The following KATNAL2 variants were observed in gnomAD, a reference collection of about 807,000 sequenced individuals.
The protein encoded by KATNAL2 is katanin p60 ATPase-containing subunit A-like 2.
KATNAL2 carries 52 observed loss-of-function variants against 76.3 expected under a neutral mutation model. That is an observed-to-expected ratio of 0.68 (90% CI 0.55 to 0.86). The LOEUF (loss-of-function observed/expected upper bound fraction) is 0.86, where lower values mean the gene tolerates loss of function less well. Among genes scored for constraint, KATNAL2 ranks in the 40% least tolerant of loss-of-function variants. The probability of loss-of-function intolerance (pLI) is 0.00; values close to 1 mark genes in which losing one functional copy is unlikely to be tolerated. For missense variants in KATNAL2, 660 were observed against 668.9 expected, an observed-to-expected ratio of 0.99 and a Z score of 0.15; for synonymous variants, 243 against 244.2, an observed-to-expected ratio of 1.00 and a Z score of 0.05.
In KATNAL2 at chr18:46,965,581, G is replaced by GCCC. The variant is rs2510018; in HGVS notation, c.51+18669_51+18671dup. On this transcript the variant is annotated intron_variant, in intron 3 of 17. Coordinates refer to ENST00000683218, the MANE Select transcript of KATNAL2 (RefSeq NM_001387690.1). Reference sequence around the variant, plus strand: ...CCAGCAGAATCCCTCTAGCATCCCCGCCCCCCCCCCCCCGCCCCCAACGGT... The same window carrying GCCC: ...CCAGCAGAATCCCTCTAGCATCCCCGCCCCCCCCCCCCCCCCGCCCCCAACGGT... Among the ~76,000 whole-genome samples the GCCC allele has an allele frequency of 3.1e-3, 227 of 73,774 alleles. 1 individual carries two copies. The highest frequency in any genetic ancestry group is 9.2e-3 in the South Asian group (23 of 2,492). 48.4% of individuals were successfully genotyped at this position (73,774 alleles called of 152,430 possible).
chr18:46,947,970 A>T (rs1470016774), intron 3 of KATNAL2, among the ~76,000 whole-genome samples: 3 of 152,166 alleles, frequency 2.0e-5, no homozygotes, highest in Non-Finnish European at 2.9e-5. Flanking sequence ...AATAGAGCAG[A>T]TTCTTGGGCC....
In KATNAL2 at chr18:47,058,258, A is replaced by G; in HGVS notation, c.356A>G (p.Asn119Ser). Residue 119 changes from asparagine to serine, a missense_variant, in exon 7 of 18, where the codon AAT (asparagine) becomes AGT (serine). By Grantham distance (46) the Asn-to-Ser change is conservative. Coordinates refer to ENST00000683218, the MANE Select transcript of KATNAL2 (RefSeq NM_001387690.1). ...TRRMMNDSCQ[N>S]LPKINQQRPR... is the part of the protein sequence containing the mutation. Reference sequence around the variant, plus strand: ...AGGATGATGAACGACAGTTGTCAAAATCTTCCCAAGATCAATCAGCAGAGG... The same window carrying G: ...AGGATGATGAACGACAGTTGTCAAAGTCTTCCCAAGATCAATCAGCAGAGG... The G allele has an allele frequency of 1.2e-6, 2 of 1,613,884 alleles. No individual in the cohort carries two copies. Among genetic ancestry groups the G allele is most frequent in the East Asian group, 2.2e-5 (1 of 44,884 alleles).
intron 3 of KATNAL2, 197 bp from the exon 4 acceptor site, chr18:47,046,260 A>G: frequency 1.7e-6 from 1 of 576,840 alleles, no homozygotes; most frequent in Non-Finnish European, 3.1e-6. Context: ...CCTTAAGTTT[A>G]CAATTGAGAA....
intron 15 of KATNAL2, among the ~76,000 whole-genome samples, chr18:47,093,489 A>G (rs1372346862): frequency 7.0e-6 from 1 of 142,506 alleles, no homozygotes; most frequent in African/African-American, 2.7e-5. Context: ...TCTCATTTCG[A>G]ATTTGTGTGT....
At chr18:47,045,124 A>G (rs2061112254) in intron 3 of KATNAL2, among the ~76,000 whole-genome samples, 1 of 152,016 alleles carries the variant, frequency 6.6e-6, no homozygotes, top group South Asian at 2.1e-4. Context: ...AAGAAAAAAA[A>G]TGGTTAAAAT....
rs2059745803 is a variant in KATNAL2, at chr18:46,956,329, A to T, written c.51+9406A>T. Among the ~76,000 whole-genome samples the T allele has an allele frequency of 2.0e-5, 3 of 152,184 alleles. No individual in the cohort carries two copies. In the South Asian group the frequency reaches 6.2e-4, roughly 31 times the overall value. Reference sequence around the variant, plus strand: ...GTGTTTTGAGATTTGCCTAAATGGGATTAGTGACACTAACACTACTGATTA... The same window carrying T: ...GTGTTTTGAGATTTGCCTAAATGGGTTTAGTGACACTAACACTACTGATTA... On this transcript the variant is annotated intron_variant, in intron 3 of 17. Coordinates refer to ENST00000683218, the MANE Select transcript of KATNAL2 (RefSeq NM_001387690.1).
chr18:47,073,759 C>T (rs568863427), intron 13 of KATNAL2, among the ~76,000 whole-genome samples: 8 of 152,240 alleles, frequency 5.3e-5, no homozygotes, highest in African/African-American at 9.6e-5. Flanking sequence ...CAATGCACCG[C>T]CCCCCAGTTG....
chr18:46,962,786 TC>T (rs1364711142), intron 3 of KATNAL2: 48 of 202,044 alleles, frequency 2.4e-4, no homozygotes, highest in Middle Eastern at 1.2e-3. Flanking sequence ...GGGAGAATCT[TC>T]CCTTGTAGTC....
chr18:47,051,437 A>G lies in KATNAL2; in HGVS notation c.123-1443A>G, dbSNP rs377119439. On this transcript the variant is annotated intron_variant, in intron 4 of 17. Coordinates refer to ENST00000683218, the MANE Select transcript of KATNAL2 (RefSeq NM_001387690.1). ...CAAGGCCCTGTCTCTAAAAAGAAAAAAAAAAAAGGTTAAAAAAAGTTTGTA... is the reference window on the plus strand; with the variant it reads ...CAAGGCCCTGTCTCTAAAAAGAAAAGAAAAAAAGGTTAAAAAAAGTTTGTA... Among the ~76,000 whole-genome samples, 1,460 of 151,084 alleles carry G rather than the reference A, an allele frequency of 9.7e-3. 24 individuals are homozygous for G. The highest frequency in any genetic ancestry group is 0.033 in the African/African-American group (1,330 of 40,840).
chr18:46,944,007 G>A (rs185286797), intron 1 of KATNAL2, among the ~76,000 whole-genome samples: 84 of 152,200 alleles, frequency 5.5e-4, no homozygotes, highest in African/African-American at 1.7e-3. Flanking sequence ...TCTTATTTGC[G>A]AAAACTATTT....
intron 15 of KATNAL2, among the ~76,000 whole-genome samples, chr18:47,082,331 G>A (rs2062565340): frequency 6.6e-6 from 1 of 152,124 alleles, no homozygotes; most frequent in Non-Finnish European, 1.5e-5. Context: ...CCCAGCAGTT[G>A]TGACAACCAA....
intron 6 of KATNAL2, among the ~76,000 whole-genome samples, chr18:47,054,909 C>T (rs1394272667): frequency 6.6e-6 from 1 of 152,262 alleles, no homozygotes; most frequent in Non-Finnish European, 1.5e-5. Context: ...GAGGTGTGAG[C>T]TCAGGCTTCT....
chr18:46,965,985 A>AGTGTGTGTGT (rs34256789), intron 3 of KATNAL2, among the ~76,000 whole-genome samples: 15 of 119,382 alleles, frequency 1.3e-4, no homozygotes, highest in East Asian at 2.4e-4. Context: ...TCTCTCTCTC[A>AGTGTGTGTGT]GTGTGTGTGT....
At chr18:47,062,570 T>G (rs953498755) in intron 8 of KATNAL2, among the ~76,000 whole-genome samples, 1 of 152,010 alleles carries the variant, frequency 6.6e-6, no homozygotes, top group Non-Finnish European at 1.5e-5. Context: ...CAGCACTCTA[T>G]TGAGTGGTGA....
At chr18:46,933,373 A>T (rs898822918) in intron 1 of KATNAL2, among the ~76,000 whole-genome samples, 2 of 152,364 alleles carry the variant, frequency 1.3e-5, no homozygotes, top group Non-Finnish European at 2.9e-5. Context: ...AGAAAAAGAA[A>T]TCTAAATCTA....
chr18:47,058,403 AGCCCTATG>A, intron 7 of KATNAL2, 51 bp downstream of exon 7: 2 of 1,029,916 alleles, frequency 1.9e-6, no homozygotes, highest in Admixed American at 2.0e-5. Context: ...GCTGAAAAAT[AGCCCTATG>A]AAAAAGGTCA....
rs548311298 is a variant in KATNAL2 at position 47,033,014 on chromosome 18, A to T, written c.52-13443A>T. The T allele has an allele frequency of 6.2e-7, 1 of 1,614,094 alleles. No homozygotes were observed. The highest frequency in any genetic ancestry group is 1.3e-5 in the African/African-American group (1 of 75,060). On this transcript the variant is annotated intron_variant, in intron 3 of 17. Coordinates refer to ENST00000683218, the MANE Select transcript of KATNAL2 (RefSeq NM_001387690.1). The stretch of plus-strand genomic sequence containing the variant: ...GGCAAGTCCTGAGTTTATCGTCGGG[A>T]GAATCTTCTCTTGTAGTCTCGAATT...
intron 3 of KATNAL2, among the ~76,000 whole-genome samples, chr18:46,960,090 G>C (rs2059890350): frequency 1.3e-5 from 2 of 152,158 alleles, no homozygotes; most frequent in African/African-American, 4.8e-5. Flanking sequence ...GTAATTATGA[G>C]AGAAGGCCTT....
intron 15 of KATNAL2, 134 bp from the exon 16 acceptor site, chr18:47,099,109 T>G: frequency 5.1e-6 from 4 of 785,322 alleles, no homozygotes; most frequent in Non-Finnish European, 8.0e-6. Context: ...TCCCATCCAC[T>G]CAAGGCATAG....
Sources: allele counts gnomAD v4.1 joint callset (sites outside exome capture counted in the v4.1 genomes callset), GRCh38; gene constraint gnomAD v4.1.1; transcripts MANE v1.5; gene names NCBI Gene and HGNC (gene_info 2026-07-23, HGNC 2026-07-21).